REEP5: variants seen among roughly 807,000 people sequenced by gnomAD.
REEP5 encodes receptor accessory protein 5, also known as receptor expression-enhancing protein 5.
A neutral mutation model predicts 22.4 loss-of-function variants in REEP5; 24 were observed. The observed-to-expected ratio is 1.07, with a 90% CI of 0.78 to 1.51. REEP5 has a LOEUF of 1.51. Ranked by LOEUF, REEP5 falls within the 40% of genes most tolerant of loss-of-function variation. REEP5 has a pLI of 0.00. For missense variants in REEP5, 252 were observed against 233.0 expected, an observed-to-expected ratio of 1.08 and a Z score of -0.53; for synonymous variants, 103 against 88.6, an observed-to-expected ratio of 1.16 and a Z score of -0.92.
At chr5:112,917,006 T>C (rs1769246208) in intron 2 of REEP5, among the ~76,000 whole-genome samples, 1 of 152,240 alleles carries the variant, frequency 6.6e-6, no homozygotes, top group Non-Finnish European at 1.5e-5. Flanking sequence ...TATAACTCTT[T>C]ACACCAGCAG....
At chr5:112,893,664 A>G (rs2150040804) in intron 3 of REEP5, 1 of 152,726 alleles carries the variant, frequency 6.5e-6, no homozygotes, top group African/African-American at 2.4e-5. Flanking sequence ...AGCATCTAGT[A>G]GTCTCGCTAC....
rs1240830765 is a variant in REEP5 at position 112,895,254 on chromosome 5, A to AAAAAAAAAT, written c.351+7125_351+7126insATTTTTTTT. The AAAAAAAAAT allele has an allele frequency of 7.9e-5, 12 of 151,378 alleles. 1 individual carries two copies. The highest frequency in any genetic ancestry group is 7.9e-4 in the Admixed American group (12 of 15,148). 9.4% of individuals were successfully genotyped at this position (151,378 alleles called of 1,614,324 possible). ...CTCTGTCTCAAAAAAAAAAAAAAAAAAAAATCAGGAGAGGTGGGGTGTGTT... is the reference window on the plus strand; with the variant it reads ...CTCTGTCTCAAAAAAAAAAAAAAAAAAAAAAAAATAAAATCAGGAGAGGTGGGGTGTGTT... On this transcript the variant is annotated intron_variant, in intron 3 of 4. Transcript: ENST00000379638.
At chr5:112,880,381 A>G (rs1244167945) in intron 4 of REEP5, among the ~76,000 whole-genome samples, 1 of 152,214 alleles carries the variant, frequency 6.6e-6, no homozygotes, top group Admixed American at 6.5e-5. Context: ...GGGGTTGTCT[A>G]GAAGCCTCCA....
At chr5:112,910,622 C>T (rs1769082040) in intron 2 of REEP5, among the ~76,000 whole-genome samples, 1 of 152,104 alleles carries the variant, frequency 6.6e-6, no homozygotes, top group South Asian at 2.1e-4. Flanking sequence ...TAATAACTTC[C>T]AAATTTATAT....
chr5:112,891,962 AAGAG>A (rs1561650661), intron 3 of REEP5: 3 of 1,242,214 alleles, frequency 2.4e-6, no homozygotes, highest in East Asian at 2.3e-5. Flanking sequence ...CTAGAAGAAC[AAGAG>A]AGAAAGTTAA....
chr5:112,895,441 T>C (rs140994510), intron 3 of REEP5: 1 of 152,120 alleles, frequency 6.6e-6, no homozygotes, highest in Non-Finnish European at 1.5e-5. Flanking sequence ...TACCTGCCTA[T>C]GTAGATGCCA....
At chr5:112,915,379 C>A (rs932092778) in intron 2 of REEP5, among the ~76,000 whole-genome samples, 3 of 152,124 alleles carry the variant, frequency 2.0e-5, no homozygotes, top group Non-Finnish European at 2.9e-5. Flanking sequence ...GGCAAGCGGG[C>A]GAACCTTAAC....
At chr5:112,905,901 G>C (rs1393482981) in intron 2 of REEP5, among the ~76,000 whole-genome samples, 2 of 152,132 alleles carry the variant, frequency 1.3e-5, no homozygotes, top group African/African-American at 2.4e-5. Flanking sequence ...AGGATTACAG[G>C]CATGAGCCAC....
chr5:112,906,795 T>TA (rs1472091919), intron 2 of REEP5, among the ~76,000 whole-genome samples: 1 of 152,174 alleles, frequency 6.6e-6, no homozygotes, highest in Non-Finnish European at 1.5e-5. Flanking sequence ...AGAACTGTGT[T>TA]TGGAAACCAC....
intron 1 of REEP5, 97 bp from the exon 2 acceptor site, chr5:112,921,353 G>A (rs1719113916): frequency 2.6e-6 from 3 of 1,150,906 alleles, no homozygotes; most frequent in Admixed American, 2.0e-5. Flanking sequence ...TGTTGTAGGA[G>A]TTTTCCTCTC....
intron 4 of REEP5, chr5:112,885,580 A>G (rs555463321): frequency 3.9e-6 from 1 of 259,034 alleles, no homozygotes; most frequent in African/African-American, 2.3e-5. Context: ...CCTGTTGGGC[A>G]TTCTGGACAA....
rs1473234444 is a variant in REEP5 at position 112,922,196 on chromosome 5, G to A, written c.-6C>T. ...TCCCTCATGGCCGCAGACATGGCGGGGACCGTCTCGCCGCTCGGGGCTGTT... is the reference window on the plus strand; with the variant it reads ...TCCCTCATGGCCGCAGACATGGCGGAGACCGTCTCGCCGCTCGGGGCTGTT... On this transcript the variant is annotated 5_prime_UTR_variant, in exon 1 of 5. Transcript: ENST00000379638. 2 of 1,603,070 alleles carry A rather than the reference G, an allele frequency of 1.2e-6. No individual in the cohort carries two copies. Among genetic ancestry groups the A allele is most frequent in the East Asian group, 4.6e-5 (2 of 43,720 alleles).
chr5:112,901,337 T>C (rs369375992), intron 3 of REEP5, among the ~76,000 whole-genome samples: 1 of 152,000 alleles, frequency 6.6e-6, no homozygotes, highest in African/African-American at 2.4e-5. Flanking sequence ...AATATAATAG[T>C]TGAAATGAAG....
chr5:112,893,111 A>AG (rs772337848), intron 3 of REEP5: 1 of 988,828 alleles, frequency 1.0e-6, no homozygotes, highest in East Asian at 2.7e-5. Flanking sequence ...AAAAAAAAAA[A>AG]AAAAAAGAAT....
intron 2 of REEP5, among the ~76,000 whole-genome samples, chr5:112,903,582 TAAA>T (rs1768892836): frequency 6.6e-6 from 1 of 152,044 alleles, no homozygotes; most frequent in African/African-American, 2.4e-5. Context: ...CCTATTGAAA[TAAA>T]AAATTTTCAA....
chr5:112,917,151 A>G (rs1190774016), intron 2 of REEP5, among the ~76,000 whole-genome samples: 1 of 152,230 alleles, frequency 6.6e-6, no homozygotes, highest in Non-Finnish European at 1.5e-5. Context: ...TCCTGGCCTC[A>G]AGCAATCCCT....
chr5:112,902,498 G>A lies in REEP5; in HGVS notation c.233C>T (p.Pro78Leu), dbSNP rs897875753. ...AYISIKAIES[P>L]NKEDDTQWLT... ...CCACTGGGTATCATCTTCTTTGTTGGGACTCTCTATAGCTTTAATTCTGAA... is the reference window on the plus strand; with the variant it reads ...CCACTGGGTATCATCTTCTTTGTTGAGACTCTCTATAGCTTTAATTCTGAA... Residue 78 changes from proline to leucine, a missense_variant, in exon 3 of 5, where the codon CCC becomes CTC. Physicochemically the swap from Pro to Leu is moderately conservative, Grantham distance 98 (BLOSUM62 -3). Transcript: ENST00000379638. 4 of 1,606,430 alleles carry A rather than the reference G, an allele frequency of 2.5e-6. No homozygotes were observed. The highest frequency in any genetic ancestry group is 3.4e-6 in the Non-Finnish European group (4 of 1,177,428).
At chr5:112,920,431 C>A (rs146859522) in intron 2 of REEP5, among the ~76,000 whole-genome samples, 1 of 151,990 alleles carries the variant, frequency 6.6e-6, no homozygotes, top group East Asian at 1.9e-4. Flanking sequence ...AAATTCATTT[C>A]TGGAGAGGAA....
intron 2 of REEP5, among the ~76,000 whole-genome samples, chr5:112,914,891 G>A (rs193232125): frequency 1.2e-3 from 190 of 152,276 alleles, no homozygotes; most frequent in African/African-American, 4.1e-3. Flanking sequence ...GTCAGGGTAC[G>A]TTTCTACAGC....
Sources: allele counts gnomAD v4.1 joint callset (sites outside exome capture counted in the v4.1 genomes callset), GRCh38; gene constraint gnomAD v4.1.1; transcripts MANE v1.5; gene names NCBI Gene and HGNC (gene_info 2026-07-23, HGNC 2026-07-21).